Variants in MOK observed in about 807,000 individuals in gnomAD.
MOK encodes the protein MAPK/MAK/MRK overlapping kinase.
Under a neutral mutation model 54.2 loss-of-function variants are expected in MOK, and 59 were observed. The ratio of observed to expected loss-of-function variants is 1.09; its 90% CI spans 0.88 to 1.35. The LOEUF is 1.35. Among genes scored for constraint, MOK ranks in the 40% most tolerant of loss-of-function variants. The probability of loss-of-function intolerance (pLI) is 0.00; values close to 1 mark genes in which losing one functional copy is unlikely to be tolerated. For synonymous variants in MOK, 210 were observed against 202.7 expected (o/e 1.04, Z -0.31); for missense variants, 517 against 526.2 (o/e 0.98, Z 0.17).
At chr14:102,286,974 A>G (rs1250060310) in intron 1 of MOK, among the ~76,000 whole-genome samples, 3 of 151,758 alleles carry the variant, frequency 2.0e-5, no homozygotes, top group South Asian at 4.1e-4. Flanking sequence ...ACACACACAC[A>G]GAATTAATAC....
chr14:102,223,050 G>A (rs1031220740), downstream of MOK: 22 of 663,166 alleles, frequency 3.3e-5, no homozygotes, highest in Middle Eastern at 4.1e-4. Context: ...CCGTGCTCCC[G>A]CTGCTCACCC....
chr14:102,243,362 A>G (rs1476969076), intron 7 of MOK, among the ~76,000 whole-genome samples: 1 of 152,182 alleles, frequency 6.6e-6, no homozygotes, highest in Non-Finnish European at 1.5e-5. Flanking sequence ...ACACAGAGCC[A>G]AAGTGCAGGG....
chr14:102,261,972 C>A (rs2067510549), intron 4 of MOK, among the ~76,000 whole-genome samples: 1 of 148,000 alleles, frequency 6.8e-6, no homozygotes, highest in Non-Finnish European at 1.5e-5. Flanking sequence ...TCCCGAGTAG[C>A]TGGGACTACA....
chr14:102,250,307 G>A (rs891308189), intron 7 of MOK, among the ~76,000 whole-genome samples: 6 of 152,092 alleles, frequency 3.9e-5, no homozygotes, highest in African/African-American at 1.4e-4. Flanking sequence ...GAGTGGGACC[G>A]GCCCCCATCT....
At chr14:102,228,420 G>A (rs1352003373), downstream of MOK, among the ~76,000 whole-genome samples, 1 of 152,188 alleles carries the variant, frequency 6.6e-6, no homozygotes, top group African/African-American at 2.4e-5. Flanking sequence ...CACCAGGCCA[G>A]GCGCGGTGGC....
At position 102,266,731 on chromosome 14, in the gene MOK, C is replaced by T. The variant is rs557746130; in HGVS notation, c.123-819G>A. On this transcript the variant is annotated intron_variant, in intron 2 of 11. Coordinates refer to ENST00000361847, the MANE Select transcript of MOK (RefSeq NM_014226.3). ...CCAAGTAGGTGGGATTATAGGCACC[C>T]GCCACCATGCCTGGCTAATTTTTTT... 9.2e-5 allele frequency among the ~76,000 whole-genome samples: 14 copies of T among 152,178 alleles called. No homozygotes were observed. In the South Asian group the frequency reaches 2.1e-3, roughly 23 times the overall value.
intron 2 of MOK, among the ~76,000 whole-genome samples, chr14:102,275,420 C>A (rs186238549): frequency 6.6e-6 from 1 of 151,966 alleles, no homozygotes; most frequent in Admixed American, 6.6e-5. Context: ...AAAAATTAGC[C>A]GGGCGTGGTG....
rs192952284 is a variant in MOK at position 102,235,736 on chromosome 14, C to G, written c.591-1947G>C. ...GTCGATCCCGCCTCCCGGGAAGGAA[C>G]TATTGTTCTTTACATCCATTTTATT... On this transcript the variant is annotated intron_variant, in intron 7 of 11. Transcript: ENST00000361847. The surrounding 1 kb of genome is among the most constrained non-coding windows in gnomAD (Gnocchi z 4.4). Among the ~76,000 whole-genome samples the G allele has an allele frequency of 4.1e-3, 623 of 152,282 alleles. 7 individuals are homozygous for G. The highest frequency in any genetic ancestry group is 0.014 in the African/African-American group (591 of 41,548).
In MOK at chr14:102,240,862, A is replaced by G. The variant is rs563046877; in HGVS notation, c.591-7073T>C. Reference sequence around the variant, plus strand: ...TTTCTCTGGGCTTGCCTGCTTCACTATGGGCAACCTTCCACCCTCCATTCC... The same window carrying G: ...TTTCTCTGGGCTTGCCTGCTTCACTGTGGGCAACCTTCCACCCTCCATTCC... On this transcript the variant is annotated intron_variant, in intron 7 of 11. Transcript: ENST00000361847. The surrounding 1 kb of genome is among the most constrained non-coding windows in gnomAD (Gnocchi z 5.4). Among the ~76,000 whole-genome samples, 1 of 152,162 alleles carries G rather than the reference A, an allele frequency of 6.6e-6. No individual in the cohort carries two copies. The highest frequency in any genetic ancestry group is 2.4e-5 in the African/African-American group (1 of 41,504).
chr14:102,261,990 G>A (rs751887866), intron 4 of MOK, among the ~76,000 whole-genome samples: 38 of 150,358 alleles, frequency 2.5e-4, no homozygotes, highest in Non-Finnish European at 4.0e-4. Flanking sequence ...ACAGGCGCCC[G>A]CCACCACGCC....
intron 7 of MOK, among the ~76,000 whole-genome samples, chr14:102,239,697 C>T (rs1335272404): frequency 2.0e-5 from 3 of 152,154 alleles, no homozygotes; most frequent in Non-Finnish European, 4.4e-5. Flanking sequence ...GGTGAAACCC[C>T]TTCTCTACTA....
At chr14:102,270,247 G>A (rs934581608) in intron 2 of MOK, among the ~76,000 whole-genome samples, 1 of 152,164 alleles carries the variant, frequency 6.6e-6, no homozygotes, top group Non-Finnish European at 1.5e-5. Context: ...GCTAAAACAG[G>A]ATTTAGAAAG....
At chr14:102,294,432 C>T (rs1219838684) in intron 1 of MOK, among the ~76,000 whole-genome samples, 2 of 139,444 alleles carry the variant, frequency 1.4e-5, no homozygotes, top group African/African-American at 2.8e-5. Context: ...GGTGATAGAG[C>T]GAGACTCCGT....
intron 1 of MOK, among the ~76,000 whole-genome samples, chr14:102,285,194 G>C (rs897195735): frequency 2.6e-5 from 4 of 151,964 alleles, no homozygotes; most frequent in African/African-American, 7.3e-5. Context: ...ACATCACTTA[G>C]ATTGTGGCAG....
chr14:102,276,060 G>A (rs943167082), intron 2 of MOK, among the ~76,000 whole-genome samples: 13 of 152,190 alleles, frequency 8.5e-5, no homozygotes, highest in African/African-American at 2.2e-4. Flanking sequence ...CATCGGGGAA[G>A]TAGAAACTAA....
chr14:102,253,391 G>C (rs1013524664), intron 4 of MOK, among the ~76,000 whole-genome samples: 1 of 152,196 alleles, frequency 6.6e-6, no homozygotes, highest in Non-Finnish European at 1.5e-5. Context: ...AGCCGGCCTC[G>C]GAGGCCTTCC....
intron 1 of MOK, among the ~76,000 whole-genome samples, chr14:102,298,756 C>T (rs1409001934): frequency 1.3e-5 from 2 of 152,146 alleles, no homozygotes; most frequent in African/African-American, 4.8e-5. Flanking sequence ...GTTCTTTCAC[C>T]CTTTAAAATA....
At chr14:102,250,430 G>T (rs2066435991) in intron 7 of MOK, among the ~76,000 whole-genome samples, 1 of 152,078 alleles carries the variant, frequency 6.6e-6, no homozygotes, top group Non-Finnish European at 1.5e-5. Context: ...TGTGCCAGAA[G>T]GTGCCTCATC....
intron 7 of MOK, chr14:102,246,252 T>C (rs2066083269): frequency 6.6e-6 from 1 of 152,112 alleles, no homozygotes; most frequent in South Asian, 2.1e-4. Context: ...CTTCACGCCC[T>C]CTCACAAGAT....
Sources: allele counts gnomAD v4.1 joint callset (sites outside exome capture counted in the v4.1 genomes callset), GRCh38; gene constraint gnomAD v4.1.1; non-coding constraint Gnocchi (gnomAD v3.1); transcripts MANE v1.5; gene names NCBI Gene and HGNC (gene_info 2026-07-23, HGNC 2026-07-21).